Variants in DMXL1 observed in about 807,000 individuals in gnomAD.
DMXL1 encodes Dmx like 1.
In DMXL1, 99 loss-of-function variants were observed where a neutral mutation model predicts 319.2. The observed-to-expected ratio is 0.31, with a 90% CI of 0.26 to 0.37. DMXL1 has a LOEUF of 0.37. Among genes scored for constraint, DMXL1 ranks in the 10% least tolerant of loss-of-function variants. The pLI, the probability that DMXL1 is intolerant of heterozygous loss-of-function variation, is 1.00. For synonymous variants in DMXL1, 1,385 were observed against 1,235.2 expected, an observed-to-expected ratio of 1.12 and a Z score of -2.54; for missense variants, 3,745 against 3,595.6, an observed-to-expected ratio of 1.04 and a Z score of -1.06.
intron 34 of DMXL1, among the ~76,000 whole-genome samples, chr5:119,208,899 T>A (rs1361914486): frequency 6.6e-6 from 1 of 152,162 alleles, no homozygotes; most frequent in Non-Finnish European, 1.5e-5. Flanking sequence ...TACCAAACTT[T>A]TTCCTGGTGT....
In DMXL1 at chr5:119,089,999, C is replaced by CTTTTTTTTTTTTTTTTTTTTTTT. The variant is rs70982467; in HGVS notation, c.88-7964_88-7942dup. On this transcript the variant is annotated intron_variant, in intron 1 of 43. Transcript: ENST00000539542. ...TGATTATTTTATGCTTCGGGTTAGT[C>CTTTTTTTTTTTTTTTTTTTTTTT]TTTTTTTTTTTTTTTTTTTTTTTTT... Among the ~76,000 whole-genome samples the CTTTTTTTTTTTTTTTTTTTTTTT allele has an allele frequency of 3.5e-4, 12 of 34,402 alleles. 5 individuals are homozygous for CTTTTTTTTTTTTTTTTTTTTTTT. The highest frequency in any genetic ancestry group is 6.2e-4 in the African/African-American group (6 of 9,660). The allele number at this position is 34,402 out of a possible 152,430, so 22.6% of individuals were successfully genotyped here. A position where few individuals can be genotyped will look rare whatever the true frequency, so the allele number is the denominator to read the frequency against.
At chr5:119,228,410 T>C (rs572443149) in intron 38 of DMXL1, among the ~76,000 whole-genome samples, 265 of 152,332 alleles carry the variant, frequency 1.7e-3, no homozygotes, top group Middle Eastern at 6.8e-3. Context: ...TAAATTTGAT[T>C]GCTTCTGTGG....
chr5:119,106,580 G>A (rs1307627244), intron 4 of DMXL1, among the ~76,000 whole-genome samples: 1 of 152,112 alleles, frequency 6.6e-6, no homozygotes, highest in African/African-American at 2.4e-5. Flanking sequence ...CTAAAAATTT[G>A]AATTTAATTC....
chr5:119,164,797 A>G (rs1454177864), intron 20 of DMXL1, 121 bp downstream of exon 20: 3 of 811,808 alleles, frequency 3.7e-6, no homozygotes, highest in Non-Finnish European at 3.8e-6. Flanking sequence ...AGGCTTTTGA[A>G]TAGTCTTTAC....
intron 13 of DMXL1, among the ~76,000 whole-genome samples, chr5:119,140,966 A>G (rs750432986): frequency 1.3e-5 from 2 of 152,124 alleles, no homozygotes; most frequent in Non-Finnish European, 2.9e-5. Context: ...TGAAAATTAA[A>G]TGTGATTTAT....
intron 42 of DMXL1, among the ~76,000 whole-genome samples, chr5:119,243,458 T>A (rs1406926902): frequency 6.6e-6 from 1 of 152,156 alleles, no homozygotes; most frequent in Admixed American, 6.5e-5. Context: ...AACTCCAGAA[T>A]CCTCACTGTT....
Position 119,171,125 on chromosome 5 carries a change from C to G in DMXL1, c.6334C>G (p.Leu2112Val). The change falls in exon 24 of 44, where the codon CTG (leucine) becomes GTG (valine). Residue 2112 changes from leucine to valine, a missense_variant. This residue lies in a region of DMXL1 where 1,382 missense variants were observed against 1,269.5 expected (regional missense o/e 1.09). Transcript: ENST00000539542. Reference protein sequence around the residue: ...DLPHQTKVKQLRENFQEKRQW... With the variant: ...DLPHQTKVKQVRENFQEKRQW... ...GCCTCACCAAACAAAAGTGAAACAA[C>G]TGAGAGAAAATTTTCAGGAAAAAAG... is the stretch of plus-strand genomic sequence containing the variant. The G allele has an allele frequency of 6.2e-7, 1 of 1,613,874 alleles. No individual in the cohort carries two copies. Among genetic ancestry groups the G allele is most frequent in the Non-Finnish European group, 8.5e-7 (1 of 1,179,880 alleles).
chr5:119,130,981 A>G (rs948719632), intron 10 of DMXL1, among the ~76,000 whole-genome samples: 2 of 150,618 alleles, frequency 1.3e-5, no homozygotes, highest in Non-Finnish European at 3.0e-5. Context: ...CCTTATCAAC[A>G]TTGGATGTTT....
intron 19 of DMXL1, among the ~76,000 whole-genome samples, chr5:119,155,309 C>T (rs1770765497): frequency 6.6e-6 from 1 of 152,130 alleles, no homozygotes; most frequent in Non-Finnish European, 1.5e-5. Context: ...TTGAAAACCA[C>T]TGGAAAGGCT....
At chr5:119,239,598 G>C (rs1327703722) in intron 41 of DMXL1, among the ~76,000 whole-genome samples, 1 of 152,134 alleles carries the variant, frequency 6.6e-6, no homozygotes, top group Non-Finnish European at 1.5e-5. Flanking sequence ...ATTATTATTT[G>C]TAAACGCATG....
intron 9 of DMXL1, chr5:119,128,168 A>G (rs2150015166): frequency 4.1e-6 from 2 of 491,346 alleles, no homozygotes; most frequent in South Asian, 1.5e-5. Flanking sequence ...AAAACTTTGC[A>G]TAGTTCCACC....
intron 1 of DMXL1, among the ~76,000 whole-genome samples, chr5:119,080,929 A>C (rs1454579396): frequency 6.6e-6 from 1 of 152,192 alleles, no homozygotes; most frequent in Non-Finnish European, 1.5e-5. Context: ...CTCCCTAGGC[A>C]AAAAAGATGT....
chr5:119,094,837 C>T (rs1755564768), intron 1 of DMXL1, among the ~76,000 whole-genome samples: 1 of 151,564 alleles, frequency 6.6e-6, no homozygotes, highest in Non-Finnish European at 1.5e-5. Context: ...GAAGTAACTG[C>T]AGACTTGCAC....
intron 1 of DMXL1, among the ~76,000 whole-genome samples, chr5:119,075,428 C>T (rs1172924021): frequency 1.3e-5 from 2 of 151,370 alleles, no homozygotes; most frequent in Admixed American, 6.6e-5. Flanking sequence ...TTAGTAGAGA[C>T]GGGTTTCATC....
chr5:119,154,045 A>T (rs995509086), intron 19 of DMXL1, among the ~76,000 whole-genome samples: 2 of 152,212 alleles, frequency 1.3e-5, no homozygotes, highest in African/African-American at 4.8e-5. Flanking sequence ...TATGTAGGAC[A>T]ATGAATTTAA....
chr5:119,197,439 G>A (rs1779840060), intron 31 of DMXL1, among the ~76,000 whole-genome samples: 1 of 152,180 alleles, frequency 6.6e-6, no homozygotes, highest in South Asian at 2.1e-4. Context: ...GGTTGGACAA[G>A]TTTGATTTAA....
Position 119,073,713 on chromosome 5 carries a change from C to T in DMXL1, c.87+2057C>T, listed in dbSNP as rs562768837. 9.2e-5 allele frequency among the ~76,000 whole-genome samples: 14 copies of T among 152,132 alleles called. 1 individual carries two copies. In the South Asian group the frequency reaches 2.7e-3, roughly 29 times the overall value. ...TAAATTTTTAAGTATAAAGAGAGTT[C>T]AGCTCTCTTTAGTTTTGATGGAATT... On this transcript the variant is annotated intron_variant, in intron 1 of 43. Transcript: ENST00000539542.
At chr5:119,219,968 A>G (rs1353863887) in intron 35 of DMXL1, among the ~76,000 whole-genome samples, 3 of 146,196 alleles carry the variant, frequency 2.1e-5, no homozygotes, top group Admixed American at 6.8e-5. Flanking sequence ...CTCCCACTAT[A>G]TTTCTGCCCC....
chr5:119,210,757 G>GTTTTTTTTTTTTTTTTTTTTTTTTCTTT, intron 34 of DMXL1, among the ~76,000 whole-genome samples: 1 of 89,778 alleles, frequency 1.1e-5, no homozygotes, highest in African/African-American at 4.1e-5. Context: ...TTTTTCTTTC[G>GTTTTTTTTTTTTTTTTTTTTTTTTCTTT]TTTTTTTTTT....
Sources: allele counts gnomAD v4.1 joint callset (sites outside exome capture counted in the v4.1 genomes callset), GRCh38; gene constraint gnomAD v4.1.1; regional missense constraint gnomAD v4.1.1; transcripts MANE v1.5; gene names NCBI Gene and HGNC (gene_info 2026-07-23, HGNC 2026-07-21).